The following LRRC4C variants were observed in gnomAD, a reference collection of about 807,000 sequenced individuals.
LRRC4C encodes the protein leucine rich repeat containing 4C.
Under a neutral mutation model 33.6 loss-of-function variants are expected in LRRC4C, and 5 were observed. The ratio of observed to expected loss-of-function variants is 0.15; its 90% CI spans 0.08 to 0.31. The LOEUF (loss-of-function observed/expected upper bound fraction) is 0.31, where lower values mean the gene tolerates loss of function less well. Ranked by LOEUF, LRRC4C falls within the 10% of genes least tolerant of loss-of-function variation. LRRC4C has a pLI of 1.00. For missense variants in LRRC4C, 560 were observed against 796.7 expected, an observed-to-expected ratio of 0.70 and a Z score of 3.58; for synonymous variants, 329 against 302.0, an observed-to-expected ratio of 1.09 and a Z score of -0.93.
At chr11:40,762,549 G>A (rs553180384) in intron 2 of LRRC4C, among the ~76,000 whole-genome samples, 1 of 152,174 alleles carries the variant, frequency 6.6e-6, no homozygotes, top group South Asian at 2.1e-4. Context: ...GTTGCCACTG[G>A]TTCATTTTTC....
chr11:40,645,245 T>C (rs1173932570), intron 3 of LRRC4C, among the ~76,000 whole-genome samples: 1 of 152,198 alleles, frequency 6.6e-6, no homozygotes, highest in Admixed American at 6.5e-5. Context: ...TGCTATGATC[T>C]CAGTGATCAG....
intron 1 of LRRC4C, among the ~76,000 whole-genome samples, chr11:41,242,821 A>G (rs969780865): frequency 2.0e-5 from 3 of 152,224 alleles, no homozygotes; most frequent in Admixed American, 1.3e-4. Flanking sequence ...AATAAGCTAT[A>G]CCTGGTATAT....
chr11:40,567,667 T>G (rs1050148113), intron 3 of LRRC4C, among the ~76,000 whole-genome samples: 1 of 152,190 alleles, frequency 6.6e-6, no homozygotes, highest in Non-Finnish European at 1.5e-5. Context: ...TACTAGAAAA[T>G]GTAATAATGT....
At chr11:40,224,371 C>T (rs1864637055) in intron 5 of LRRC4C, among the ~76,000 whole-genome samples, 1 of 152,196 alleles carries the variant, frequency 6.6e-6, no homozygotes, top group Admixed American at 6.5e-5. Context: ...TCTGTATATG[C>T]CCCAAATCCA....
intron 1 of LRRC4C, among the ~76,000 whole-genome samples, chr11:41,275,422 A>T (rs1321522535): frequency 6.6e-6 from 1 of 152,172 alleles, no homozygotes; most frequent in Non-Finnish European, 1.5e-5. Flanking sequence ...AAAAATAAAG[A>T]TTATTCAGTA....
chr11:41,408,204 T>G (rs922361524), intron 1 of LRRC4C, among the ~76,000 whole-genome samples: 3 of 152,198 alleles, frequency 2.0e-5, no homozygotes, highest in African/African-American at 7.2e-5. Flanking sequence ...AATTGTAAAA[T>G]TCATAGTATT....
At chr11:40,754,001 T>C (rs1233551171) in intron 2 of LRRC4C, among the ~76,000 whole-genome samples, 1 of 151,052 alleles carries the variant, frequency 6.6e-6, no homozygotes, top group Non-Finnish European at 1.5e-5. Context: ...ATTCACTGTA[T>C]ATATATATAT....
Position 40,333,717 on chromosome 11 carries a change from C to CAA in LRRC4C, c.-269-13998_-269-13997dup, listed in dbSNP as rs60450935. Among the ~76,000 whole-genome samples, 203 of 78,278 alleles carry CAA rather than the reference C, an allele frequency of 2.6e-3. 3 individuals are homozygous for CAA. The highest frequency in any genetic ancestry group is 7.6e-3 in the African/African-American group (148 of 19,468). The allele number at this position is 78,278 out of a possible 152,430, so 51.4% of individuals were successfully genotyped here. ...GTGGGACAAGAGTGAGACTTTGTCT[C>CAA]AAAAAAAAAAAAAAAAAAAAAAAAG... On this transcript the variant is annotated intron_variant, in intron 3 of 6. Coordinates refer to ENST00000528697, the MANE Select transcript of LRRC4C (RefSeq NM_001258419.2).
intron 1 of LRRC4C, among the ~76,000 whole-genome samples, chr11:41,077,238 A>T (rs1488510210): frequency 2.0e-5 from 3 of 152,096 alleles, no homozygotes; most frequent in Non-Finnish European, 4.4e-5. Flanking sequence ...TTTTTCTCAC[A>T]GCTCCAGTAG....
intron 1 of LRRC4C, among the ~76,000 whole-genome samples, chr11:40,940,330 C>G (rs1386572579): frequency 1.3e-5 from 2 of 152,056 alleles, no homozygotes; most frequent in African/African-American, 4.8e-5. Flanking sequence ...CTCATGGTAA[C>G]ATTTTGAAGA....
intron 1 of LRRC4C, among the ~76,000 whole-genome samples, chr11:41,101,767 A>T (rs941510021): frequency 3.3e-5 from 5 of 152,194 alleles, no homozygotes; most frequent in Admixed American, 6.6e-5. Flanking sequence ...TTAGTGGTAG[A>T]CTGGAAAAGA....
At chr11:40,660,242 T>G (rs1943363251) in intron 2 of LRRC4C, among the ~76,000 whole-genome samples, 1 of 152,204 alleles carries the variant, frequency 6.6e-6, no homozygotes, top group African/African-American at 2.4e-5. Context: ...CTAGACCTCA[T>G]GCTTGCTCGC....
chr11:40,484,282 T>G (rs1044291567), intron 3 of LRRC4C, among the ~76,000 whole-genome samples: 2 of 152,102 alleles, frequency 1.3e-5, no homozygotes, highest in African/African-American at 4.8e-5. Context: ...AATTTGCAAT[T>G]AATTAATTGC....
intron 1 of LRRC4C, among the ~76,000 whole-genome samples, chr11:41,249,648 G>A (rs748353161): frequency 6.6e-6 from 1 of 152,052 alleles, no homozygotes; most frequent in Non-Finnish European, 1.5e-5. Flanking sequence ...TCATCTGCAG[G>A]CCTTTGCACT....
chr11:40,556,296 G>A (rs1160470044), intron 3 of LRRC4C, among the ~76,000 whole-genome samples: 2 of 152,188 alleles, frequency 1.3e-5, no homozygotes, highest in Non-Finnish European at 2.9e-5. Flanking sequence ...AAAACAGATG[G>A]CTGTAGCTTT....
intron 3 of LRRC4C, among the ~76,000 whole-genome samples, chr11:40,407,429 A>G (rs1443755259): frequency 6.6e-6 from 1 of 152,010 alleles, no homozygotes; most frequent in Non-Finnish European, 1.5e-5. Flanking sequence ...CAAATTTCTC[A>G]TTGCTAAAGT....
intron 1 of LRRC4C, among the ~76,000 whole-genome samples, chr11:41,346,504 G>C (rs1259640990): frequency 2.0e-5 from 3 of 151,988 alleles, no homozygotes; most frequent in African/African-American, 7.3e-5. Flanking sequence ...GATTAGATTG[G>C]GATACATTTA....
intron 5 of LRRC4C, among the ~76,000 whole-genome samples, chr11:40,158,322 C>A (rs1407115129): frequency 6.6e-6 from 1 of 151,994 alleles, no homozygotes; most frequent in African/African-American, 2.4e-5. Context: ...GTGTATACTG[C>A]TCAAGTGATG....
intron 2 of LRRC4C, among the ~76,000 whole-genome samples, chr11:40,784,247 A>C (rs890341263): frequency 1.3e-5 from 2 of 152,184 alleles, no homozygotes; most frequent in Non-Finnish European, 2.9e-5. Context: ...TCCTCTGAGC[A>C]ATTGGCAAGC....
Sources: allele counts gnomAD v4.1 joint callset (sites outside exome capture counted in the v4.1 genomes callset), GRCh38; gene constraint gnomAD v4.1.1; transcripts MANE v1.5; gene names NCBI Gene and HGNC (gene_info 2026-07-23, HGNC 2026-07-21).